Variants in ANO3 observed in about 807,000 individuals in gnomAD.
ANO3 encodes anoctamin-3.
In ANO3, 99 loss-of-function variants were observed where a neutral mutation model predicts 144.8. That is an observed-to-expected ratio of 0.68 (90% CI 0.58 to 0.81). ANO3 has a LOEUF of 0.81. ANO3 is among the 30% of genes least tolerant of loss of function. The pLI is 0.00. For synonymous variants in ANO3, 414 were observed against 392.6 expected, an observed-to-expected ratio of 1.05 and a Z score of -0.64; for missense variants, 905 against 1,202.2, an observed-to-expected ratio of 0.75 and a Z score of 3.66.
At chr11:26,632,195 A>G (rs1260398464) in intron 18 of ANO3, among the ~76,000 whole-genome samples, 1 of 106,626 alleles carries the variant, frequency 9.4e-6, no homozygotes, top group African/African-American at 4.5e-5. Flanking sequence ...CCATCTCAAG[A>G]AAAAAAAAAA....
chr11:26,331,088 T>C (rs977163126), upstream of ANO3, among the ~76,000 whole-genome samples: 2 of 152,186 alleles, frequency 1.3e-5, no homozygotes, highest in Non-Finnish European at 2.9e-5. Flanking sequence ...TTTTGGCCAC[T>C]GCAGTTTGGT....
chr11:26,195,095 A>G (rs771638423), intron 1 of ANO3, among the ~76,000 whole-genome samples: 2 of 152,190 alleles, frequency 1.3e-5, no homozygotes, highest in Non-Finnish European at 2.9e-5. Flanking sequence ...GTATTTCTAA[A>G]AGAATGTATG....
Position 26,599,582 on chromosome 11 carries a change from T to G in ANO3, c.1704T>G (p.Val568=). 1 of 1,614,098 alleles carries G rather than the reference T, an allele frequency of 6.2e-7. No individual in the cohort carries two copies. Among genetic ancestry groups the G allele is most frequent in the Non-Finnish European group, 8.5e-7 (1 of 1,179,982 alleles). Reference sequence around the variant, plus strand: ...TGGTGATCACTGCAGTGTTTGGAGTTGTGGTGTACCGCCTGGTTGTCATGG... The same window carrying G: ...TGGTGATCACTGCAGTGTTTGGAGTGGTGGTGTACCGCCTGGTTGTCATGG... The part of the protein sequence containing the change: ...ISLVITAVFG[V]VVYRLVVMEQ... The change falls in exon 17 of 27, where the codon GTT becomes GTG. Residue 568 remains valine (V), a synonymous_variant. Transcript: ENST00000256737.
At chr11:26,426,086 A>G (rs1857911255) in intron 1 of ANO3, among the ~76,000 whole-genome samples, 2 of 152,186 alleles carry the variant, frequency 1.3e-5, no homozygotes, top group Non-Finnish European at 2.9e-5. Context: ...CATATAATAC[A>G]TAGTATATAA....
chr11:26,518,508 AT>A (rs1861944544), intron 6 of ANO3, among the ~76,000 whole-genome samples: 1 of 152,194 alleles, frequency 6.6e-6, no homozygotes, highest in Admixed American at 6.6e-5. Flanking sequence ...TCGTAAAAAT[AT>A]TCTGAAATTC....
intron 1 of ANO3, among the ~76,000 whole-genome samples, chr11:26,214,399 A>G (rs1851996412): frequency 6.6e-6 from 1 of 151,946 alleles, no homozygotes; most frequent in South Asian, 2.1e-4. Context: ...GTAAAGAACT[A>G]GGGTTGGATT....
At chr11:26,254,328 G>C (rs904493691) in intron 1 of ANO3, among the ~76,000 whole-genome samples, 1 of 152,034 alleles carries the variant, frequency 6.6e-6, no homozygotes, top group South Asian at 2.1e-4. Context: ...ACCTCAAATC[G>C]AGAAAAGGTA....
chr11:26,290,279 C>T (rs1049734430), intron 1 of ANO3, among the ~76,000 whole-genome samples: 2 of 151,978 alleles, frequency 1.3e-5, no homozygotes, highest in Non-Finnish European at 2.9e-5. Flanking sequence ...TTTTTTATCG[C>T]ATCTATTTGA....
At chr11:26,631,361 TTTC>T (rs1434195779) in intron 18 of ANO3, among the ~76,000 whole-genome samples, 2 of 152,058 alleles carry the variant, frequency 1.3e-5, no homozygotes, top group Non-Finnish European at 2.9e-5. Flanking sequence ...ACTAAAATAT[TTTC>T]TTCTATATAA....
intron 3 of ANO3, among the ~76,000 whole-genome samples, chr11:26,453,102 C>T (rs1198521763): frequency 6.6e-6 from 1 of 152,056 alleles, no homozygotes; most frequent in African/African-American, 2.4e-5. Flanking sequence ...AAAGGAACAA[C>T]CGGTACCAGC....
intron 3 of ANO3, among the ~76,000 whole-genome samples, chr11:26,450,001 C>T (rs1166534816): frequency 2.6e-5 from 4 of 152,082 alleles, no homozygotes; most frequent in Non-Finnish European, 4.4e-5. Flanking sequence ...GGCAATCCGC[C>T]CAGCTCAGCC....
At chr11:26,465,468 T>C (rs1859570433) in intron 4 of ANO3, among the ~76,000 whole-genome samples, 1 of 151,690 alleles carries the variant, frequency 6.6e-6, no homozygotes, top group African/African-American at 2.4e-5. Context: ...ATTTTAGTGA[T>C]GACAAAGCAA....
chr11:26,546,627 A>C (rs1165949184), intron 11 of ANO3, among the ~76,000 whole-genome samples: 1 of 152,032 alleles, frequency 6.6e-6, no homozygotes, highest in Admixed American at 6.6e-5. Flanking sequence ...TAATACCGGC[A>C]GTAGGTTAGG....
intron 1 of ANO3, among the ~76,000 whole-genome samples, chr11:26,206,814 T>C (rs1380007191): frequency 6.6e-6 from 1 of 152,162 alleles, no homozygotes; most frequent in Non-Finnish European, 1.5e-5. Context: ...CACACTACAT[T>C]TTTGCTTCAC....
rs1852800092 is a variant in ANO3 at position 26,246,557 on chromosome 11, GCT to G, written c.154+57228_154+57229del. Among the ~76,000 whole-genome samples, 38 of 149,482 alleles carry G rather than the reference GCT, an allele frequency of 2.5e-4. 1 individual carries two copies. The highest frequency in any genetic ancestry group is 8.4e-4 in the African/African-American group (34 of 40,632). On this transcript the variant is annotated intron_variant, in intron 1 of 27. Coordinates refer to the ANO3 transcript ENST00000672621. ...TTTTCATGTACTGTTCATGTCTTTT[GCT>G]TAATTTTCTTTTGAATTTTTCATAA...
At chr11:26,583,788 G>C (rs200355819) in intron 14 of ANO3, among the ~76,000 whole-genome samples, 2 of 152,168 alleles carry the variant, frequency 1.3e-5, no homozygotes, top group East Asian at 3.9e-4. Context: ...TAAACCTGGG[G>C]AATGGAGGAG....
At chr11:26,600,967 A>C (rs1851786704) in intron 17 of ANO3, among the ~76,000 whole-genome samples, 1 of 152,148 alleles carries the variant, frequency 6.6e-6, no homozygotes, top group African/African-American at 2.4e-5. Flanking sequence ...GCATAGGCCT[A>C]CCTCTTCAAT....
chr11:26,194,549 G>A (rs550056576), intron 1 of ANO3, among the ~76,000 whole-genome samples: 1 of 150,640 alleles, frequency 6.6e-6, no homozygotes, highest in Admixed American at 6.7e-5. Context: ...TGCCCAGGCT[G>A]GAGTGCAATG....
At chr11:26,476,893 G>A (rs1485205609) in intron 4 of ANO3, among the ~76,000 whole-genome samples, 1 of 135,942 alleles carries the variant, frequency 7.4e-6, no homozygotes, top group African/African-American at 2.7e-5. Context: ...ATAATTTTGT[G>A]TGTGTGTGTA....
Sources: gnomAD v4.1 joint callset for allele counts (sites outside exome capture counted in the v4.1 genomes callset) on GRCh38, gnomAD v4.1.1 for gene constraint, MANE v1.5 for transcripts, NCBI Gene and HGNC (gene_info 2026-07-23, HGNC 2026-07-21) for gene names.